The following RPL32 variants were observed in gnomAD, a reference collection of about 807,000 sequenced individuals.
RPL32 encodes large ribosomal subunit protein eL32.
For missense variants in RPL32, 117 were observed against 173.7 expected (o/e 0.67, Z 1.83); for synonymous variants, 61 against 62.6 (o/e 0.98, Z 0.12).
At chr3:12,838,382 G>A (rs372834349) in intron 3 of RPL32, among the ~76,000 whole-genome samples, 6 of 152,146 alleles carry the variant, frequency 3.9e-5, no homozygotes, top group East Asian at 1.9e-4. Context: ...CTCCAGCCCC[G>A]GCAAGAGAGC....
Position 12,839,337 on chromosome 3 carries a change from G to A in RPL32, c.278+12C>T, listed in dbSNP as rs761457320. On this transcript the variant is annotated intron_variant, in intron 3 of 3. Coordinates refer to ENST00000429711, the MANE Select transcript of RPL32 (RefSeq NM_000994.4). ...TCTGATCACTGAAAACTAGAGGTGG[G>A]ACCCAACTCACTTGTTGCACATCAG... 1.7e-5 allele frequency: 27 copies of A among 1,613,494 alleles called. No homozygotes were observed. The highest frequency in any genetic ancestry group is 2.1e-5 in the Non-Finnish European group (25 of 1,179,432).
chr3:12,840,518 G>A (rs200102782), intron 1 of RPL32: 2 of 576,300 alleles, frequency 3.5e-6, no homozygotes, highest in Non-Finnish European at 3.4e-6. Context: ...CTGACCCCAA[G>A]ACACTCTCAA....
rs767780803 is a variant in RPL32, at chr3:12,839,384, G to A, written c.243C>T (p.Asn81=). Residue 81 remains asparagine (N), a synonymous_variant, in exon 3 of 4, where the codon AAC becomes AAT. Transcript: ENST00000429711. ...PSGFRKFLVH[N]VKELEVLLMC... ...TCAGCAGCACTTCCAGCTCCTTGAC[G>A]TTGTGGACCAGGAACTTCCGGAAGC... 5.3e-5 allele frequency: 85 copies of A among 1,613,964 alleles called. No homozygotes were observed. Among genetic ancestry groups the A allele is most frequent in the Non-Finnish European group, 6.7e-5 (79 of 1,179,976 alleles).
intron 1 of RPL32, chr3:12,840,650 G>GA (rs2062144768): frequency 2.5e-6 from 1 of 398,182 alleles, no homozygotes; most frequent in South Asian, 1.8e-5. Flanking sequence ...AAATGAAGAT[G>GA]ACACTGCGCG....
chr3:12,837,298 T>TTG (rs2124883019), intron 3 of RPL32, among the ~76,000 whole-genome samples: 1 of 152,340 alleles, frequency 6.6e-6, no homozygotes, highest in South Asian at 2.1e-4. Flanking sequence ...TCATTATATT[T>TTG]TCAGTTGTTT....
intron 1 of RPL32, 24 bp downstream of exon 1, chr3:12,841,470 G>C (rs974503515): frequency 6.6e-6 from 1 of 152,252 alleles, no homozygotes; most frequent in Non-Finnish European, 1.5e-5. Context: ...GCAGGAATGC[G>C]GATTGCCACG....
In RPL32 at chr3:12,835,073, G is replaced by C. The variant is rs1344979692; in HGVS notation, c.*1021C>G. 6.6e-6 allele frequency: 1 copy of C among 152,208 alleles called. No individual in the cohort carries two copies. The highest frequency in any genetic ancestry group is 1.5e-5 in the Non-Finnish European group (1 of 68,048). 9.4% of individuals were successfully genotyped at this position (152,208 alleles called of 1,614,324 possible). A position where few individuals can be genotyped will look rare whatever the true frequency, so the allele number is the denominator to read the frequency against. ...GCAGCATTTCTGCTAAGTTGACCAGGATGGTTACAGAAAAACATCCTGTAA... is the reference window on the plus strand; with the variant it reads ...GCAGCATTTCTGCTAAGTTGACCAGCATGGTTACAGAAAAACATCCTGTAA... On this transcript the variant is annotated 3_prime_UTR_variant, in exon 4 of 4. Transcript: ENST00000429711.
intron 1 of RPL32, 50 bp from the exon 2 acceptor site, chr3:12,840,292 T>G (rs910575486): frequency 1.5e-6 from 2 of 1,335,650 alleles, no homozygotes; most frequent in African/African-American, 1.4e-5. Flanking sequence ...GGAAGGAGGC[T>G]TTCCTGCCCA....
intron 3 of RPL32, chr3:12,839,128 A>G: frequency 5.0e-6 from 3 of 600,892 alleles, no homozygotes; most frequent in Non-Finnish European, 8.9e-6. Flanking sequence ...TTGGGTCTCT[A>G]CACTTAGAAG....
intron 3 of RPL32, chr3:12,838,960 T>A (rs540056267): frequency 7.0e-6 from 2 of 286,974 alleles, no homozygotes; most frequent in South Asian, 7.6e-5. Flanking sequence ...CAACTCATAT[T>A]TGGCTCAGAA....
At chr3:12,839,124 C>T (rs2062124695) in intron 3 of RPL32, 1 of 596,658 alleles carries the variant, frequency 1.7e-6, no homozygotes, top group Admixed American at 3.0e-5. Flanking sequence ...GGTCTTGGGT[C>T]TCTACACTTA....
intron 1 of RPL32, chr3:12,840,969 G>A (rs183021633): frequency 1.3e-5 from 2 of 156,378 alleles, no homozygotes; most frequent in Admixed American, 6.1e-5. Flanking sequence ...CGAAGGCAAG[G>A]TGGGGGCAGT....
intron 3 of RPL32, among the ~76,000 whole-genome samples, chr3:12,837,834 T>C (rs954466099): frequency 6.6e-6 from 1 of 152,210 alleles, no homozygotes; most frequent in Non-Finnish European, 1.5e-5. Flanking sequence ...GAAAATAAAC[T>C]GTCACTTCCC....
At position 12,835,682 on chromosome 3, in the gene RPL32, A is replaced by G. The variant is rs1274937151; in HGVS notation, c.*412T>C. On this transcript the variant is annotated 3_prime_UTR_variant, in exon 4 of 4. Coordinates refer to ENST00000429711, the MANE Select transcript of RPL32 (RefSeq NM_000994.4). ...GAATCTGTGTAAGAAATTCATCTGG[A>G]TATTTCCATGCATATTTTCTCAATT... 1 of 169,790 alleles carries G rather than the reference A, an allele frequency of 5.9e-6. No individual in the cohort carries two copies. Among genetic ancestry groups the G allele is most frequent in the African/African-American group, 2.4e-5 (1 of 41,894 alleles). The allele number at this position is 169,790 out of a possible 1,614,324, so 10.5% of individuals were successfully genotyped here.
At position 12,836,057 on chromosome 3, in the gene RPL32, T is replaced by TAC; in HGVS notation, c.*35_*36dup. 1 of 1,604,116 alleles carries TAC rather than the reference T, an allele frequency of 6.2e-7. No individual in the cohort carries two copies. The highest frequency in any genetic ancestry group is 8.5e-7 in the Non-Finnish European group (1 of 1,176,598). On this transcript the variant is annotated 3_prime_UTR_variant, in exon 4 of 4. Coordinates refer to ENST00000429711, the MANE Select transcript of RPL32 (RefSeq NM_000994.4). ...AAGGAAGATGCCAGATGGCAGTTTT[T>TAC]ACATTTATTTAAACAGAAAACGTGC...
chr3:12,840,587 G>C, intron 1 of RPL32: 1 of 474,868 alleles, frequency 2.1e-6, no homozygotes, highest in Non-Finnish European at 4.2e-6. Context: ...TGGTCCTTCC[G>C]GTAGTACTGG....
intron 3 of RPL32, chr3:12,838,958 A>G (rs1215690679): frequency 3.5e-6 from 1 of 283,578 alleles, no homozygotes; most frequent in Non-Finnish European, 6.8e-6. Flanking sequence ...GTCAACTCAT[A>G]TTTGGCTCAG....
At chr3:12,840,321 A>G (rs1370815867) in intron 1 of RPL32, 79 bp from the exon 2 acceptor site, 1 of 1,041,842 alleles carries the variant, frequency 9.6e-7, no homozygotes, top group Non-Finnish European at 1.5e-6. Flanking sequence ...ACACTGTCGC[A>G]GAGTGTCTTC....
At position 12,839,697 on chromosome 3, in the gene RPL32, G is replaced by C. The variant is rs562186161; in HGVS notation, c.97-167C>G. The C allele has an allele frequency of 1.3e-4, 92 of 725,090 alleles. 1 individual carries two copies. The South Asian group carries it at 1.5e-3, about 12-fold the overall frequency. 44.9% of individuals were successfully genotyped at this position (725,090 alleles called of 1,614,324 possible). A position where few individuals can be genotyped will look rare whatever the true frequency, so the allele number is the denominator to read the frequency against. On this transcript the variant is annotated intron_variant, in intron 2 of 3. Coordinates refer to ENST00000429711, the MANE Select transcript of RPL32 (RefSeq NM_000994.4). The stretch of plus-strand genomic sequence containing the variant: ...ACTTTTTTGGTGGGAAAAACCAGGA[G>C]CTCGTGGCTTTAGCCACTAGGGATG...
Sources: gnomAD v4.1 joint callset for allele counts (sites outside exome capture counted in the v4.1 genomes callset) on GRCh38, gnomAD v4.1.1 for gene constraint, MANE v1.5 for transcripts, NCBI Gene and HGNC (gene_info 2026-07-23, HGNC 2026-07-21) for gene names.